The following OTOP3 variants were observed in gnomAD, a reference collection of about 807,000 sequenced individuals.
OTOP3 encodes the protein proton channel OTOP3.
Under a neutral mutation model 50.8 loss-of-function variants are expected in OTOP3, and 41 were observed. The ratio of observed to expected loss-of-function variants is 0.81; its 90% CI spans 0.63 to 1.05. The LOEUF (loss-of-function observed/expected upper bound fraction) is 1.05. Ranked by LOEUF, OTOP3 falls within the 50% of genes least tolerant of loss-of-function variation. The pLI is 0.00. For synonymous variants in OTOP3, 320 were observed against 324.4 expected (o/e 0.99, Z 0.14); for missense variants, 788 against 760.8 (o/e 1.04, Z -0.42).
intron 5 of OTOP3, among the ~76,000 whole-genome samples, chr17:74,945,628 G>A (rs915962596): frequency 1.3e-5 from 2 of 152,192 alleles, no homozygotes; most frequent in Middle Eastern, 3.2e-3. Flanking sequence ...GAGGGACAGG[G>A]ATGGCAAGGT....
chr17:74,948,938 C>T (rs560548211), intron 6 of OTOP3, among the ~76,000 whole-genome samples: 2 of 152,312 alleles, frequency 1.3e-5, no homozygotes, highest in South Asian at 4.1e-4. Flanking sequence ...GAGCAGGTGG[C>T]GCGCTGGGAA....
In OTOP3 at chr17:74,947,024, G is replaced by A. The variant is rs200113739; in HGVS notation, c.1115G>A (p.Cys372Tyr). ...GTGCTGCCCACCATGAGTCTGGCGT[G>A]CCTGGCGGGCACAGCCATACACGGG... ...VAVLPTMSLACLAGTAIHGLE... is the reference protein window; with the variant it reads ...VAVLPTMSLAYLAGTAIHGLE... Residue 372 changes from cysteine (C) to tyrosine (Y), a missense_variant, in exon 6 of 7, where the codon TGC becomes TAC. Cys to Tyr is a radical substitution (Grantham distance 194). Coordinates refer to ENST00000328801, the MANE Select transcript of OTOP3 (RefSeq NM_001272005.2). 146 of 1,613,956 alleles carry A rather than the reference G, an allele frequency of 9.0e-5. No homozygotes were observed. In the East Asian group the frequency reaches 3.1e-3, roughly 34 times the overall value.
At chr17:74,945,823 G>T (rs147343623) in intron 5 of OTOP3, among the ~76,000 whole-genome samples, 1 of 152,242 alleles carries the variant, frequency 6.6e-6, no homozygotes, top group East Asian at 1.9e-4. Context: ...CTCTCACTCT[G>T]TCACCCAAAG....
At chr17:74,942,881 C>A (rs1028416703) in intron 3 of OTOP3, among the ~76,000 whole-genome samples, 3 of 150,334 alleles carry the variant, frequency 2.0e-5, no homozygotes, top group Non-Finnish European at 4.4e-5. Context: ...AAAGGCAGAT[C>A]TTGCAGTGAG....
chr17:74,940,119 A>C (rs991443221), intron 1 of OTOP3, among the ~76,000 whole-genome samples: 1 of 141,304 alleles, frequency 7.1e-6, no homozygotes, highest in African/African-American at 2.8e-5. Context: ...ACACACACAC[A>C]CACACACACA....
At chr17:74,937,738 G>A (rs575896109) in intron 1 of OTOP3, among the ~76,000 whole-genome samples, 1 of 152,278 alleles carries the variant, frequency 6.6e-6, no homozygotes, top group East Asian at 1.9e-4. Flanking sequence ...CACTAGGTTT[G>A]GGGGGTCCAA....
At position 74,947,154 on chromosome 17, in the gene OTOP3, C is replaced by T. The variant is rs371936258; in HGVS notation, c.1245C>T (p.Ser415=). Reference sequence around the variant, plus strand: ...GCCAGATGGGCATCGCCTATTTCTCCATCGTGGCCATTGTGGCCAAGCGCC... The same window carrying T: ...GCCAGATGGGCATCGCCTATTTCTCTATCGTGGCCATTGTGGCCAAGCGCC... ...ALGQMGIAYF[S]IVAIVAKRPH... The change falls in exon 6 of 7, where the codon TCC becomes TCT. Residue 415 remains serine, a synonymous_variant. Transcript: ENST00000328801. 5 of 1,613,934 alleles carry T rather than the reference C, an allele frequency of 3.1e-6. No homozygotes were observed. Among genetic ancestry groups the T allele is most frequent in the African/African-American group, 1.3e-5 (1 of 74,952 alleles).
Position 74,949,631 on chromosome 17 carries a change from G to A in OTOP3, c.*215G>A, listed in dbSNP as rs1473925311. On this transcript the variant is annotated 3_prime_UTR_variant, in exon 7 of 7. Transcript: ENST00000328801. ...CTGAGCTTCTGATGCCCACGGCCAG[G>A]CCTGGGCACATGCCTGCCCCCTGCC... 4 of 578,310 alleles carry A rather than the reference G, an allele frequency of 6.9e-6. No homozygotes were observed. The highest frequency in any genetic ancestry group is 4.5e-4 in the Middle Eastern group (1 of 2,214). 35.8% of individuals were successfully genotyped at this position (578,310 alleles called of 1,614,324 possible).
At chr17:74,938,966 A>G (rs1419691974) in intron 1 of OTOP3, among the ~76,000 whole-genome samples, 2 of 151,988 alleles carry the variant, frequency 1.3e-5, no homozygotes, top group African/African-American at 4.8e-5. Flanking sequence ...CGAGGAGTTC[A>G]AGACCAGCTT....
At chr17:74,949,092 G>C (rs1391295168) in intron 6 of OTOP3, among the ~76,000 whole-genome samples, 154 bp from the exon 7 acceptor site, 1 of 151,806 alleles carries the variant, frequency 6.6e-6, no homozygotes. Flanking sequence ...GGGGAAAGAA[G>C]AGCTCACGCT....
At chr17:74,938,462 G>A (rs2039140212) in intron 1 of OTOP3, among the ~76,000 whole-genome samples, 2 of 152,178 alleles carry the variant, frequency 1.3e-5, no homozygotes, top group Non-Finnish European at 2.9e-5. Flanking sequence ...TCTCTGCCGA[G>A]TCCTGAAGGA....
upstream of OTOP3, chr17:74,935,847 A>G (rs886694458): frequency 1.3e-6 from 2 of 1,530,474 alleles, no homozygotes; most frequent in Non-Finnish European, 1.8e-6. Flanking sequence ...CCGCTGGGGG[A>G]GGGCGTCGCG....
chr17:74,940,231 G>A (rs2039158608), intron 1 of OTOP3, among the ~76,000 whole-genome samples: 1 of 135,832 alleles, frequency 7.4e-6, no homozygotes, highest in East Asian at 2.2e-4. Context: ...GGTCTTGAAT[G>A]CCTGGGCTCA....
At chr17:74,936,032 T>C (rs2039111520) in intron 1 of OTOP3, 92 bp downstream of exon 1, 2 of 1,513,746 alleles carry the variant, frequency 1.3e-6, no homozygotes, top group East Asian at 4.9e-5. Context: ...GGTTCACAAG[T>C]AGGGGCTGCA....
rs775265109 is a variant in OTOP3 at position 74,943,729 on chromosome 17, G to A, written c.751+5G>A. 14 of 1,584,824 alleles carry A rather than the reference G, an allele frequency of 8.8e-6. 1 individual carries two copies. In the South Asian group the frequency reaches 1.2e-4, roughly 14 times the overall value. On this transcript the variant is annotated splice_donor_5th_base_variant and intron_variant, in intron 5 of 6. Transcript: ENST00000328801. ...TCCTCATGGAAAAATCCACAGGTAT[G>A]GAAAGGAGACCAGGTCTTCCTTGCC...
Position 74,946,763 on chromosome 17 carries a change from T to G in OTOP3, c.854T>G (p.Ile285Ser). 1 of 1,613,152 alleles carries G rather than the reference T, an allele frequency of 6.2e-7. No homozygotes were observed. Among genetic ancestry groups the G allele is most frequent in the Non-Finnish European group, 8.5e-7 (1 of 1,180,028 alleles). ...LYPFSTEYCLICCAVLFVMWK... is the reference protein window; with the variant it reads ...LYPFSTEYCLSCCAVLFVMWK... Reference sequence around the variant, plus strand: ...CCCTTCAGCACTGAGTACTGCCTCATCTGCTGTGCTGTGCTGTTTGTCATG... The same window carrying G: ...CCCTTCAGCACTGAGTACTGCCTCAGCTGCTGTGCTGTGCTGTTTGTCATG... Residue 285 changes from isoleucine to serine, a missense_variant, in exon 6 of 7, where the codon ATC (isoleucine) becomes AGC (serine). By Grantham distance (142) the Ile-to-Ser change is moderately radical (BLOSUM62 -2). Transcript: ENST00000328801.
At chr17:74,935,999 A>G (rs1307646820) in intron 1 of OTOP3, 59 bp downstream of exon 1, 1 of 1,534,448 alleles carries the variant, frequency 6.5e-7, no homozygotes, top group Non-Finnish European at 8.7e-7. Context: ...ACTGGCACAT[A>G]CTACCCACCC....
intron 5 of OTOP3, among the ~76,000 whole-genome samples, chr17:74,944,150 GA>G (rs1171169075): frequency 6.6e-6 from 1 of 152,138 alleles, no homozygotes; most frequent in African/African-American, 2.4e-5. Flanking sequence ...TATCTGGACA[GA>G]AAAAAACTCC....
chr17:74,948,636 GGTGACAGA>G (rs1185235978), intron 6 of OTOP3, among the ~76,000 whole-genome samples: 2 of 150,952 alleles, frequency 1.3e-5, no homozygotes, highest in Admixed American at 1.3e-4. Context: ...CTCCAGCCTG[GGTGACAGA>G]GTGAGACTCT....
Sources: gnomAD v4.1 joint callset for allele counts (sites outside exome capture counted in the v4.1 genomes callset) on GRCh38, gnomAD v4.1.1 for gene constraint, MANE v1.5 for transcripts, NCBI Gene and HGNC (gene_info 2026-07-23, HGNC 2026-07-21) for gene names.